The following CEMIP2 variants were observed in gnomAD, a reference collection of about 807,000 sequenced individuals.
The protein encoded by CEMIP2 is cell surface hyaluronidase CEMIP2.
Under a neutral mutation model 146.9 loss-of-function variants are expected in CEMIP2, and 79 were observed. The ratio of observed to expected loss-of-function variants is 0.54; its 90% CI spans 0.45 to 0.65. The LOEUF is 0.65. CEMIP2 is among the 30% of genes least tolerant of loss of function. The pLI, the probability that CEMIP2 is intolerant of heterozygous loss-of-function variation, is 0.00. For missense variants in CEMIP2, 1,596 were observed against 1,696.2 expected (o/e 0.94, Z 1.04); for synonymous variants, 601 against 606.3 (o/e 0.99, Z 0.13).
rs1294690699 is a variant in CEMIP2, at chr9:71,732,360, T to TCC, written c.1552_1553dup (p.His519AspfsTer4). 6.2e-7 allele frequency: 1 copy of TCC among 1,608,308 alleles called. No homozygotes were observed. The highest frequency in any genetic ancestry group is 8.5e-7 in the Non-Finnish European group (1 of 1,178,380). ...AAATCCTTTTGCCTACCATAATGTG[T>TCC]CCCCCAAAGGTATCATAATCAAAAA... On this transcript the variant is annotated frameshift_variant, in exon 7 of 24. Coordinates refer to ENST00000377044, the MANE Select transcript of CEMIP2 (RefSeq NM_013390.3). LOFTEE classifies it high-confidence loss of function.
chr9:71,739,155 A>G (rs1235541796), intron 5 of CEMIP2, among the ~76,000 whole-genome samples: 2 of 152,068 alleles, frequency 1.3e-5, no homozygotes, highest in Non-Finnish European at 2.9e-5. Flanking sequence ...TCTTTCAAAA[A>G]TGAGTATTTA....
rs1324207571 is a variant in CEMIP2 at position 71,685,969 on chromosome 9, A to C, written c.3852-123T>G. 4.3e-6 allele frequency: 3 copies of C among 697,350 alleles called. No homozygotes were observed. In the East Asian group the frequency reaches 8.1e-5, roughly 19 times the overall value. 43.2% of individuals were successfully genotyped at this position (697,350 alleles called of 1,614,324 possible). A position where few individuals can be genotyped will look rare whatever the true frequency, so the allele number is the denominator to read the frequency against. ...ATTAGATAAAAGCAGAACTCCAAAA[A>C]GAAAAAAGTCTAGATGATTTTCCAT... On this transcript the variant is annotated intron_variant, in intron 22 of 23. Coordinates refer to ENST00000377044, the MANE Select transcript of CEMIP2 (RefSeq NM_013390.3).
chr9:71,688,682 C>T, intron 22 of CEMIP2, among the ~76,000 whole-genome samples: 1 of 152,172 alleles, frequency 6.6e-6, no homozygotes, highest in East Asian at 1.9e-4. Flanking sequence ...GCCACCGTGC[C>T]TGGCCTACTG....
intron 5 of CEMIP2, among the ~76,000 whole-genome samples, chr9:71,737,453 A>C (rs1823796598): frequency 2.6e-5 from 4 of 152,172 alleles, no homozygotes; most frequent in Admixed American, 6.5e-5. Flanking sequence ...GCTAACTCTA[A>C]GGGATGACAA....
intron 2 of CEMIP2, among the ~76,000 whole-genome samples, chr9:71,749,441 CACACCT>C (rs964817693): frequency 9.9e-5 from 15 of 151,454 alleles, no homozygotes; most frequent in Admixed American, 5.3e-4. Flanking sequence ...CATGGTGGCT[CACACCT>C]GTAATCCCAG....
At chr9:71,691,420 G>GAAAAAAAA (rs148544899) in intron 21 of CEMIP2, among the ~76,000 whole-genome samples, 4 of 127,030 alleles carry the variant, frequency 3.1e-5, no homozygotes, top group African/African-American at 1.0e-4. Flanking sequence ...TCTGTCTCAG[G>GAAAAAAAA]AAAAAAAAAA....
chr9:71,748,289 G>A (rs1475501048), intron 2 of CEMIP2, among the ~76,000 whole-genome samples: 1 of 152,056 alleles, frequency 6.6e-6, no homozygotes, highest in Non-Finnish European at 1.5e-5. Flanking sequence ...TCTGTACAAA[G>A]CACTGAAAAG....
chr9:71,727,615 T>A (rs944879089), intron 10 of CEMIP2, among the ~76,000 whole-genome samples: 1 of 152,188 alleles, frequency 6.6e-6, no homozygotes, highest in Non-Finnish European at 1.5e-5. Flanking sequence ...TTTTGCTTCA[T>A]CTTAGCAAAC....
intron 11 of CEMIP2, among the ~76,000 whole-genome samples, chr9:71,723,451 G>A (rs1487261669): frequency 2.0e-5 from 3 of 151,942 alleles, no homozygotes; most frequent in African/African-American, 7.3e-5. Flanking sequence ...ACTAACAGTG[G>A]AAAACAGATA....
intron 1 of CEMIP2, among the ~76,000 whole-genome samples, chr9:71,760,679 C>T (rs1007379935): frequency 4.9e-5 from 7 of 143,444 alleles, no homozygotes; most frequent in African/African-American, 1.5e-4. Context: ...CTACTACAGA[C>T]CAAGCGGGGA....
intron 12 of CEMIP2, among the ~76,000 whole-genome samples, chr9:71,719,654 C>G (rs1382169409): frequency 6.6e-6 from 1 of 151,876 alleles, no homozygotes; most frequent in Admixed American, 6.6e-5. Flanking sequence ...GTGTCATATC[C>G]ATCTTTAGAT....
At chr9:71,714,451 G>C (rs1228985600) in intron 15 of CEMIP2, among the ~76,000 whole-genome samples, 1 of 152,004 alleles carries the variant, frequency 6.6e-6, no homozygotes, top group Non-Finnish European at 1.5e-5. Context: ...GCTGTGGTGG[G>C]GTTTTGAGTT....
At chr9:71,728,922 C>T (rs1440394025) in intron 10 of CEMIP2, among the ~76,000 whole-genome samples, 2 of 151,886 alleles carry the variant, frequency 1.3e-5, no homozygotes, top group African/African-American at 4.8e-5. Context: ...GCCTCCACCT[C>T]CTGGGCTCAA....
At chr9:71,763,773 T>C (rs1469723700) in intron 1 of CEMIP2, among the ~76,000 whole-genome samples, 1 of 152,270 alleles carries the variant, frequency 6.6e-6, no homozygotes, top group Admixed American at 6.5e-5. Flanking sequence ...AGGACTGATT[T>C]GTTGGGAGAT....
chr9:71,725,064 T>A (rs1823344851), intron 11 of CEMIP2, among the ~76,000 whole-genome samples: 1 of 148,880 alleles, frequency 6.7e-6, no homozygotes, highest in African/African-American at 2.4e-5. Context: ...AATGGAATGC[T>A]CTCTATATAT....
intron 12 of CEMIP2, among the ~76,000 whole-genome samples, chr9:71,720,053 A>G (rs542230270): frequency 2.6e-5 from 4 of 152,258 alleles, no homozygotes; most frequent in African/African-American, 9.6e-5. Flanking sequence ...CATATAGACA[A>G]TAGTTACTTT....
intron 20 of CEMIP2, among the ~76,000 whole-genome samples, chr9:71,696,744 T>C (rs913504479): frequency 6.6e-6 from 1 of 152,080 alleles, no homozygotes; most frequent in Admixed American, 6.6e-5. Flanking sequence ...CACTCCAGCC[T>C]GGGCAACAGA....
In CEMIP2 at chr9:71,768,134, C is replaced by T. The variant is rs186486784; in HGVS notation, c.-13+223G>A. Among the ~76,000 whole-genome samples, 402 of 152,272 alleles carry T rather than the reference C, an allele frequency of 2.6e-3. 2 individuals carry two copies. Among genetic ancestry groups the T allele is most frequent in the African/African-American group, 9.2e-3 (381 of 41,560 alleles). On this transcript the variant is annotated intron_variant, in intron 1 of 23. Transcript: ENST00000377044. Reference sequence around the variant, plus strand: ...AAGAGAGGACTGACTCCTGGGGAGTCGGGTCAGTCCCAATCCAGAGATGAA... The same window carrying T: ...AAGAGAGGACTGACTCCTGGGGAGTTGGGTCAGTCCCAATCCAGAGATGAA...
chr9:71,708,692 G>A (rs1361235958), intron 17 of CEMIP2, among the ~76,000 whole-genome samples: 3 of 152,146 alleles, frequency 2.0e-5, no homozygotes, highest in African/African-American at 7.2e-5. Flanking sequence ...GTTTCTCAAT[G>A]TATATCATCT....
Sources: allele counts gnomAD v4.1 joint callset (sites outside exome capture counted in the v4.1 genomes callset), GRCh38; gene constraint gnomAD v4.1.1; transcripts MANE v1.5; gene names NCBI Gene and HGNC (gene_info 2026-07-23, HGNC 2026-07-21).